MMP2: variants seen among roughly 807,000 people sequenced by gnomAD.
MMP2 encodes the protein matrix metallopeptidase 2, also known as 72 kDa type IV collagenase.
A neutral mutation model predicts 74.8 loss-of-function variants in MMP2; 39 were observed. The observed-to-expected ratio is 0.52, with a 90% CI of 0.40 to 0.68. MMP2 has a LOEUF of 0.68. Ranked by LOEUF, MMP2 falls within the 30% of genes least tolerant of loss-of-function variation. The probability of loss-of-function intolerance (pLI) is 0.00; values close to 1 mark genes in which losing one functional copy is unlikely to be tolerated. For synonymous variants in MMP2, 367 were observed against 339.8 expected (o/e 1.08, Z -0.88); for missense variants, 803 against 878.3 (o/e 0.91, Z 1.08).
At chr16:55,500,834 G>C (rs1245170878) in intron 11 of MMP2, among the ~76,000 whole-genome samples, 1 of 152,230 alleles carries the variant, frequency 6.6e-6, no homozygotes, top group Non-Finnish European at 1.5e-5. Flanking sequence ...GCTGGAGAAG[G>C]AGAGAGAGCC....
rs1258229846 is a variant in MMP2, at chr16:55,501,681, G to A, written c.1770-1098G>A. Among the ~76,000 whole-genome samples the A allele has an allele frequency of 2.0e-5, 3 of 152,128 alleles. No homozygotes were observed. The East Asian group carries it at 5.8e-4, about 29-fold the overall frequency. ...AGGGAGAAGTCCCTTTGAGGGAGAA[G>A]TCTCCTCTAGAAGGGAGCATATAGG... On this transcript the variant is annotated intron_variant, in intron 11 of 12. Transcript: ENST00000219070.
At chr16:55,487,506 G>A (rs1962288204) in intron 5 of MMP2, 1 of 152,328 alleles carries the variant, frequency 6.6e-6, no homozygotes, top group Non-Finnish European at 1.5e-5. Flanking sequence ...AGGTCTTTTG[G>A]TAGAGAGGGG....
chr16:55,488,473 G>A, intron 5 of MMP2, 70 bp from the exon 6 acceptor site: 3 of 1,502,616 alleles, frequency 2.0e-6, no homozygotes, highest in Non-Finnish European at 2.7e-6. Flanking sequence ...CGGCAGGTGG[G>A]CAGCCAGCCA....
At chr16:55,484,555 A>G (rs759829730) in intron 3 of MMP2, among the ~76,000 whole-genome samples, 1 of 152,212 alleles carries the variant, frequency 6.6e-6, no homozygotes, top group African/African-American at 2.4e-5. Context: ...GCTAGTGACT[A>G]TTGATTTTGG....
chr16:55,486,277 T>A (rs1962245929), intron 5 of MMP2, among the ~76,000 whole-genome samples: 1 of 151,808 alleles, frequency 6.6e-6, no homozygotes, highest in South Asian at 2.1e-4. Context: ...CTGAGGAATT[T>A]CAGCTATTGC....
At position 55,481,596 on chromosome 16, in the gene MMP2, C is replaced by G. The variant is rs1962101636; in HGVS notation, c.154-1313C>G. 1.8e-5 allele frequency: 8 copies of G among 447,396 alleles called. No homozygotes were observed. In the Middle Eastern group the frequency reaches 1.6e-3, roughly 91 times the overall value. 27.7% of individuals were successfully genotyped at this position (447,396 alleles called of 1,614,324 possible). A position where few individuals can be genotyped will look rare whatever the true frequency, so the allele number is the denominator to read the frequency against. ...CTCCTGGGAATGAAGCACAGCAGGT[C>G]TCAGCCTCATCTTACCCAGCCCCCC... On this transcript the variant is annotated intron_variant, in intron 1 of 12. Transcript: ENST00000219070.
At position 55,491,967 on chromosome 16, in the gene MMP2, G is replaced by T. The variant is rs17859933; in HGVS notation, c.1336+11G>T. 1.2e-6 allele frequency: 2 copies of T among 1,611,384 alleles called. No individual in the cohort carries two copies. The stretch of plus-strand genomic sequence containing the variant: ...TTCAGGAGCTCTATGGTAAACCTCC[G>T]GGCGGGGGTTGGGGGTGGAGGGTGA... On this transcript the variant is annotated intron_variant, in intron 8 of 12. Transcript: ENST00000219070.
chr16:55,485,461 T>C (rs1962220539), intron 4 of MMP2, 34 bp downstream of exon 4: 1 of 1,613,920 alleles, frequency 6.2e-7, no homozygotes, highest in Non-Finnish European at 8.5e-7. Flanking sequence ...CCCCAGACCT[T>C]CTCTCCTGTC....
At chr16:55,505,203 C>T in intron 12 of MMP2, 136 bp from the exon 13 acceptor site, 1 of 811,742 alleles carries the variant, frequency 1.2e-6, no homozygotes, top group Non-Finnish European at 2.2e-6. Context: ...AATCCTCCTG[C>T]CTCAGCCTTT....
In MMP2 at chr16:55,479,348, C is replaced by T. The variant is rs984132092; in HGVS notation, c.-132C>T. On this transcript the variant is annotated 5_prime_UTR_variant, in exon 1 of 13. Transcript: ENST00000219070. ...CATGAGCCGCTGAGCCGGGCAAACC[C>T]CAGGCCACCGAGCCAGCGGACCCTC... 4.3e-6 allele frequency: 5 copies of T among 1,150,822 alleles called. No individual in the cohort carries two copies. Among genetic ancestry groups the T allele is most frequent in the Non-Finnish European group, 5.6e-6 (5 of 892,964 alleles). The allele number at this position is 1,150,822 out of a possible 1,614,324, so 71.3% of individuals were successfully genotyped here.
intron 11 of MMP2, among the ~76,000 whole-genome samples, chr16:55,499,459 A>G (rs1212847475): frequency 6.6e-6 from 1 of 152,102 alleles, no homozygotes; most frequent in Admixed American, 6.5e-5. Flanking sequence ...GCCCTGTGTC[A>G]TGCTCACAGC....
Position 55,479,312 on chromosome 16 carries a change from G to A in MMP2, c.-168G>A. On this transcript the variant is annotated 5_prime_UTR_variant, in exon 1 of 13. Coordinates refer to ENST00000219070, the MANE Select transcript of MMP2 (RefSeq NM_004530.6). ...GCGGCGGCGGCGGGGGCTGGGGCGC[G>A]GGGGCCGGACCATGAGCCGCTGAGC... is the stretch of plus-strand genomic sequence containing the variant. 2.8e-6 allele frequency: 2 copies of A among 724,804 alleles called. No individual in the cohort carries two copies. The highest frequency in any genetic ancestry group is 3.7e-6 in the Non-Finnish European group (2 of 533,550). The allele number at this position is 724,804 out of a possible 1,614,324, so 44.9% of individuals were successfully genotyped here.
rs140317801 is a variant in MMP2, at chr16:55,505,424, C to T, written c.1965C>T (p.Ser655=). The T allele has an allele frequency of 1.3e-4, 203 of 1,614,030 alleles. 3 individuals carry two copies. The African/African-American group carries it at 1.9e-3, about 15-fold the overall frequency. Residue 655 remains serine, a synonymous_variant, in exon 13 of 13, where the codon TCC becomes TCT. Transcript: ENST00000219070. ...LKSVKFGSIK[S]DWLGC ...GCGTGAAGTTTGGAAGCATCAAATC[C>T]GACTGGCTAGGCTGCTGAGCTGGCC...
intron 7 of MMP2, among the ~76,000 whole-genome samples, chr16:55,490,031 G>C (rs747062747): frequency 1.3e-5 from 2 of 152,140 alleles, no homozygotes; most frequent in Non-Finnish European, 2.9e-5. Context: ...CATCCAGGTG[G>C]AGGCACAGCC....
intron 1 of MMP2, among the ~76,000 whole-genome samples, chr16:55,480,994 C>T (rs566917415): frequency 6.6e-6 from 1 of 152,200 alleles, no homozygotes; most frequent in South Asian, 2.1e-4. Context: ...GCCAATGGGT[C>T]ACAGGATGAA....
Position 55,497,055 on chromosome 16 carries a change from C to G in MMP2, c.1602C>G (p.Phe534Leu). ...YEAPQEEKAV[F>L]FAGNEYWIYS... ...CCCCACAGGAGGAGAAGGCTGTGTT[C>G]TTTGCAGGTGTGTGGGAAGCACCCT... The change falls in exon 10 of 13, where the codon TTC (phenylalanine) becomes TTG (leucine). Residue 534 changes from phenylalanine to leucine, a missense_variant. Phe to Leu is a conservative substitution (Grantham distance 22). Coordinates refer to ENST00000219070, the MANE Select transcript of MMP2 (RefSeq NM_004530.6). 1 of 1,614,118 alleles carries G rather than the reference C, an allele frequency of 6.2e-7. No individual in the cohort carries two copies. Among genetic ancestry groups the G allele is most frequent in the Non-Finnish European group, 8.5e-7 (1 of 1,180,042 alleles).
At chr16:55,501,818 G>A (rs1962674654) in intron 11 of MMP2, among the ~76,000 whole-genome samples, 1 of 152,126 alleles carries the variant, frequency 6.6e-6, no homozygotes, top group African/African-American at 2.4e-5. Flanking sequence ...AGGATGGGAT[G>A]CGAACACAGA....
In MMP2 at chr16:55,479,512, G is replaced by C; in HGVS notation, c.33G>C (p.Thr11=). 6.3e-7 allele frequency: 1 copy of C among 1,599,516 alleles called. No homozygotes were observed. Among genetic ancestry groups the C allele is most frequent in the Non-Finnish European group, 8.5e-7 (1 of 1,173,532 alleles). Residue 11 remains threonine (T), a synonymous_variant, in exon 1 of 13, where the codon ACG becomes ACC. Coordinates refer to ENST00000219070, the MANE Select transcript of MMP2 (RefSeq NM_004530.6). ...CGCTAATGGCCCGGGGCGCGCTCAC[G>C]GGTCCCCTGAGGGCGCTCTGTCTCC... MEALMARGAL[T]GPLRALCLLG... is the part of the protein sequence containing the mutation.
intron 3 of MMP2, 96 bp downstream of exon 3, chr16:55,484,260 C>A (rs114589968): frequency 2.1e-6 from 3 of 1,437,198 alleles, no homozygotes; most frequent in East Asian, 2.5e-5. Flanking sequence ...ATCCTAAGGG[C>A]GGCTTAGATA....
Sources: gnomAD v4.1 joint callset for allele counts (sites outside exome capture counted in the v4.1 genomes callset) on GRCh38, gnomAD v4.1.1 for gene constraint, MANE v1.5 for transcripts, NCBI Gene and HGNC (gene_info 2026-07-23, HGNC 2026-07-21) for gene names.